The following RAD51B variants were observed in gnomAD, a reference collection of about 807,000 sequenced individuals.
RAD51B encodes DNA repair protein RAD51 homolog 2.
A neutral mutation model predicts 42.2 loss-of-function variants in RAD51B; 38 were observed. That is an observed-to-expected ratio of 0.90 (90% CI 0.70 to 1.18). The LOEUF is 1.18. RAD51B is among the 50% of genes most tolerant of loss of function. The probability of loss-of-function intolerance (pLI) is 0.00; values close to 1 mark genes in which losing one functional copy is unlikely to be tolerated. For synonymous variants in RAD51B, 154 were observed against 145.2 expected (o/e 1.06, Z -0.43); for missense variants, 373 against 400.7 (o/e 0.93, Z 0.59).
intron 9 of RAD51B, among the ~76,000 whole-genome samples, chr14:68,440,701 G>A (rs1040866059): frequency 5.9e-5 from 9 of 151,858 alleles, no homozygotes; most frequent in African/African-American, 1.9e-4. Context: ...AGGCAAGATC[G>A]TGCCATTGCA....
intron 7 of RAD51B, among the ~76,000 whole-genome samples, chr14:68,241,583 T>G (rs1294520817): frequency 6.6e-6 from 1 of 152,198 alleles, no homozygotes; most frequent in Non-Finnish European, 1.5e-5. Flanking sequence ...CATGGTGTCA[T>G]GATAAAATAT....
At chr14:68,339,351 T>C (rs563533849) in intron 8 of RAD51B, 3 of 1,029,346 alleles carry the variant, frequency 2.9e-6, no homozygotes, top group South Asian at 2.6e-5. Flanking sequence ...CAACCTGATA[T>C]AGTGGGGCCA....
chr14:68,303,403 C>A (rs1402621868), intron 8 of RAD51B, among the ~76,000 whole-genome samples: 1 of 149,164 alleles, frequency 6.7e-6, no homozygotes, highest in Non-Finnish European at 1.5e-5. Flanking sequence ...CACATGTATA[C>A]CCATGCAACA....
intron 7 of RAD51B, among the ~76,000 whole-genome samples, chr14:67,999,235 A>G (rs2075437569): frequency 6.6e-6 from 1 of 152,024 alleles, no homozygotes; most frequent in Non-Finnish European, 1.5e-5. Context: ...ATCTGGTACT[A>G]GTTATTCTGT....
intron 4 of RAD51B, among the ~76,000 whole-genome samples, chr14:67,835,518 C>T (rs1179654165): frequency 2.0e-5 from 3 of 151,198 alleles, no homozygotes; most frequent in Non-Finnish European, 4.4e-5. Flanking sequence ...TATATACATA[C>T]ATGCATACAT....
At chr14:68,104,544 C>T (rs1455669909) in intron 7 of RAD51B, among the ~76,000 whole-genome samples, 1 of 152,168 alleles carries the variant, frequency 6.6e-6, no homozygotes, top group Non-Finnish European at 1.5e-5. Context: ...ATTCAGTTAT[C>T]TAATCTCCCC....
chr14:68,090,852 T>A (rs1290829356), intron 7 of RAD51B, among the ~76,000 whole-genome samples: 1 of 62,008 alleles, frequency 1.6e-5, no homozygotes, highest in Admixed American at 2.6e-4. Flanking sequence ...CCCTCCCCCC[T>A]CCCCCCACCC....
chr14:67,931,806 C>T (rs2140159434), intron 7 of RAD51B, among the ~76,000 whole-genome samples: 1 of 152,206 alleles, frequency 6.6e-6, no homozygotes, highest in African/African-American at 2.4e-5. Context: ...CCCGGCCCAG[C>T]ATTTCTTGAA....
intron 7 of RAD51B, among the ~76,000 whole-genome samples, chr14:68,149,290 A>G (rs1216608437): frequency 6.6e-6 from 1 of 152,130 alleles, no homozygotes; most frequent in Non-Finnish European, 1.5e-5. Context: ...AAGATCACCT[A>G]GATTTTTTTC....
intron 11 of RAD51B, among the ~76,000 whole-genome samples, chr14:68,655,028 C>T (rs940887525): frequency 2.1e-4 from 32 of 152,162 alleles, no homozygotes; most frequent in Non-Finnish European, 3.4e-4. Context: ...CTGGCCCCAC[C>T]AGGCAGTCAT....
At chr14:67,860,271 T>C (rs2042122607) in intron 4 of RAD51B, among the ~76,000 whole-genome samples, 2 of 152,234 alleles carry the variant, frequency 1.3e-5, no homozygotes, top group South Asian at 4.1e-4. Context: ...CAGATTATCA[T>C]AGTAGCTATA....
chr14:68,229,190 A>G (rs1015008471), intron 7 of RAD51B, among the ~76,000 whole-genome samples: 1 of 152,208 alleles, frequency 6.6e-6, no homozygotes, highest in Non-Finnish European at 1.5e-5. Flanking sequence ...ACAGCTGAGA[A>G]GTGATTGTTC....
At chr14:68,421,762 A>G (rs1566873779) in intron 9 of RAD51B, 9 of 1,598,118 alleles carry the variant, frequency 5.6e-6, no homozygotes, top group Middle Eastern at 1.7e-4. Flanking sequence ...CCTGGACCCA[A>G]AGCACTCCAT....
At position 68,551,402 on chromosome 14, in the gene RAD51B, G is replaced by A. The variant is rs76124130; in HGVS notation, c.1037-43083G>A. 8.8e-3 allele frequency among the ~76,000 whole-genome samples: 1,336 copies of A among 152,342 alleles called. 10 individuals are homozygous for A. The highest frequency in any genetic ancestry group is 0.013 in the Non-Finnish European group (890 of 68,040). ...CTCCCCAACAGAGGCCTCAGAGAGT[G>A]CCTGGCTGTGATAAGCATGTGTTGC... On this transcript the variant is annotated intron_variant, in intron 10 of 10. Coordinates refer to the RAD51B transcript ENST00000487270.
chr14:67,976,976 C>A (rs887728288), intron 7 of RAD51B, among the ~76,000 whole-genome samples: 3 of 152,194 alleles, frequency 2.0e-5, no homozygotes, highest in African/African-American at 7.2e-5. Context: ...TGCTCATCAT[C>A]ACTGGCCATC....
intron 10 of RAD51B, among the ~76,000 whole-genome samples, chr14:68,648,133 GTA>G (rs371883719): frequency 0.32 from 28,561 of 89,018 alleles, 4,580 homozygotes; most frequent in Middle Eastern, 0.41. Context: ...ATACACACAC[GTA>G]TATATATATA....
At chr14:68,671,294 T>C (rs8021168) in intron 11 of RAD51B, among the ~76,000 whole-genome samples, 112,465 of 152,136 alleles carry the variant, frequency 0.74, 42,892 homozygotes, top group African/African-American at 0.93. Flanking sequence ...GGCAACATGT[T>C]TTTATTTGGA....
At chr14:68,142,992 A>G (rs556469257) in intron 7 of RAD51B, among the ~76,000 whole-genome samples, 8 of 149,832 alleles carry the variant, frequency 5.3e-5, no homozygotes, top group African/African-American at 2.0e-4. Flanking sequence ...GTCTCAAGGA[A>G]AAAAAAAAGG....
chr14:68,354,236 G>C (rs1431236325), intron 8 of RAD51B, among the ~76,000 whole-genome samples: 1 of 40,028 alleles, frequency 2.5e-5, no homozygotes, highest in African/African-American at 1.8e-4. Flanking sequence ...TTTTTTTTTT[G>C]AGATGGAGTC....
Sources: allele counts gnomAD v4.1 joint callset (sites outside exome capture counted in the v4.1 genomes callset), GRCh38; gene constraint gnomAD v4.1.1; transcripts MANE v1.5; gene names NCBI Gene and HGNC (gene_info 2026-07-23, HGNC 2026-07-21).